Variants in ZNF571 observed in about 807,000 individuals in gnomAD.
ZNF571 encodes the protein zinc finger protein 571.
A neutral mutation model predicts 7.7 loss-of-function variants in ZNF571; 4 were observed. That is an observed-to-expected ratio of 0.52 (90% CI 0.25 to 1.18). The LOEUF (loss-of-function observed/expected upper bound fraction) is 1.18. Ranked by LOEUF, ZNF571 falls within the 50% of genes most tolerant of loss-of-function variation. The pLI, the probability that ZNF571 is intolerant of heterozygous loss-of-function variation, is 0.14. For missense variants in ZNF571, 704 were observed against 726.9 expected (o/e 0.97, Z 0.36); for synonymous variants, 251 against 232.4 (o/e 1.08, Z -0.73).
intron 1 of ZNF571, chr19:37,587,375 G>T (rs1397538940): frequency 1.3e-5 from 2 of 152,162 alleles, no homozygotes; most frequent in Non-Finnish European, 2.9e-5. Context: ...TTATTTCACA[G>T]GTTGAATAAC....
intron 3 of ZNF571, among the ~76,000 whole-genome samples, chr19:37,581,505 G>A (rs1453420018): frequency 3.5e-5 from 5 of 141,130 alleles, no homozygotes; most frequent in South Asian, 2.2e-4. Context: ...TTGCTCTGTC[G>A]CCCAGGCTGA....
chr19:37,583,082 T>C (rs987297154), intron 3 of ZNF571, among the ~76,000 whole-genome samples: 1 of 152,210 alleles, frequency 6.6e-6, no homozygotes, highest in African/African-American at 2.4e-5. Flanking sequence ...TCTTGCTGAT[T>C]CTCAAACAAG....
intron 3 of ZNF571, among the ~76,000 whole-genome samples, chr19:37,570,171 T>G (rs1198218186): frequency 2.0e-5 from 3 of 152,198 alleles, no homozygotes; most frequent in Non-Finnish European, 4.4e-5. Flanking sequence ...CTGGGTTATC[T>G]CAATTACCTT....
intron 3 of ZNF571, among the ~76,000 whole-genome samples, chr19:37,576,770 A>AC (rs1236218684): frequency 6.6e-6 from 1 of 152,150 alleles, no homozygotes; most frequent in African/African-American, 2.4e-5. Context: ...GGGAAGAAAT[A>AC]CCCCAATATG....
At chr19:37,567,187 T>C (rs577588299) in intron 3 of ZNF571, among the ~76,000 whole-genome samples, 3 of 152,348 alleles carry the variant, frequency 2.0e-5, no homozygotes, top group African/African-American at 7.2e-5. Context: ...GGATATACCA[T>C]TTCTAAAGTT....
rs756415238 is a variant in ZNF571 at position 37,583,974 on chromosome 19, A to T, written c.133T>A (p.Leu45Met). The change falls in exon 3 of 4, where the codon TTG becomes ATG. Residue 45 changes from leucine (L) to methionine (M), a missense_variant. Transcript: ENST00000451802. ...MLENYSNLIS[L>M]DLESSCVTKK... ...ATATTACGTAGGATGATCTTACCCAATGAGATCAGGTTGCTGTAGTTCTCC... is the reference window on the plus strand; with the variant it reads ...ATATTACGTAGGATGATCTTACCCATTGAGATCAGGTTGCTGTAGTTCTCC... The T allele has an allele frequency of 6.2e-7, 1 of 1,607,088 alleles. No individual in the cohort carries two copies. The highest frequency in any genetic ancestry group is 1.3e-5 in the African/African-American group (1 of 74,794).
intron 1 of ZNF571, among the ~76,000 whole-genome samples, chr19:37,589,487 TA>T (rs145902538): frequency 1.3e-5 from 2 of 150,290 alleles, no homozygotes; most frequent in African/African-American, 2.4e-5. Flanking sequence ...AGACAATTCA[TA>T]AAAAAAAAGT....
In ZNF571 at chr19:37,570,778, T is replaced by C. The variant is rs140246709; in HGVS notation, c.137-4487A>G. 2.7e-3 allele frequency among the ~76,000 whole-genome samples: 416 copies of C among 152,288 alleles called. 4 individuals are homozygous for C. Among genetic ancestry groups the C allele is most frequent in the African/African-American group, 9.1e-3 (380 of 41,548 alleles). On this transcript the variant is annotated intron_variant, in intron 3 of 3. Coordinates refer to ENST00000451802, the MANE Select transcript of ZNF571 (RefSeq NM_016536.5). ...ATTCAAATACTACCAAACTTCTGAATAGTCTCCTATAAATAGAAGGCATTA... is the reference window on the plus strand; with the variant it reads ...ATTCAAATACTACCAAACTTCTGAACAGTCTCCTATAAATAGAAGGCATTA...
At chr19:37,570,220 A>T (rs1397666833) in intron 3 of ZNF571, among the ~76,000 whole-genome samples, 1 of 151,900 alleles carries the variant, frequency 6.6e-6, no homozygotes, top group African/African-American at 2.4e-5. Context: ...CATCACTAGG[A>T]CTCTTATCCC....
Position 37,584,069 on chromosome 19 carries a change from A to G in ZNF571, c.38T>C (p.Ile13Thr), listed in dbSNP as rs2043573115. Residue 13 changes from isoleucine (I) to threonine (T), a missense_variant, in exon 3 of 4, where the codon ATT (isoleucine) becomes ACT (threonine). Coordinates refer to ENST00000451802, the MANE Select transcript of ZNF571 (RefSeq NM_016536.5). Reference protein sequence around the residue: ...HLLVTFRDVAIDFSQEEWECL... With the variant: ...HLLVTFRDVATDFSQEEWECL... ...TTCCCATTCCTCCTGAGAGAAGTCAATGGCCACATCCCTGAAAGTCACCAA... is the reference window on the plus strand; with the variant it reads ...TTCCCATTCCTCCTGAGAGAAGTCAGTGGCCACATCCCTGAAAGTCACCAA... 8.7e-6 allele frequency: 14 copies of G among 1,614,046 alleles called. No homozygotes were observed. The highest frequency in any genetic ancestry group is 1.2e-5 in the Non-Finnish European group (14 of 1,180,024).
Position 37,569,308 on chromosome 19 carries a change from G to C in ZNF571, c.137-3017C>G, listed in dbSNP as rs2042977706. On this transcript the variant is annotated intron_variant, in intron 3 of 3. Coordinates refer to ENST00000451802, the MANE Select transcript of ZNF571 (RefSeq NM_016536.5). This position sits in a 1 kb window ranked among gnomAD's most constrained non-coding sequence, Gnocchi z 4.4. ...ACTCAGTAATGTTATGAGACCCTTT[G>C]TTCTAATCTCCATCTGGCAGATAGA... 6.6e-6 allele frequency among the ~76,000 whole-genome samples: 1 copy of C among 152,062 alleles called. No homozygotes were observed. Among genetic ancestry groups the C allele is most frequent in the Non-Finnish European group, 1.5e-5 (1 of 68,018 alleles).
chr19:37,586,469 A>T, intron 2 of ZNF571, 199 bp downstream of exon 2: 1 of 621,490 alleles, frequency 1.6e-6, no homozygotes, highest in Non-Finnish European at 2.9e-6. Context: ...TGCTGAATGA[A>T]TATCTGAAAA....
At position 37,564,904 on chromosome 19, in the gene ZNF571, G is replaced by C; in HGVS notation, c.1524C>G (p.Asp508Glu). The change falls in exon 4 of 4, where the codon GAC (aspartate) becomes GAG (glutamate). Residue 508 changes from aspartate (D) to glutamate (E), a missense_variant. By Grantham distance (45) the Asp-to-Glu change is conservative. Transcript: ENST00000451802. The stretch of plus-strand genomic sequence containing the variant: ...GTTGTGAGCCATAAATAAAGGCCTT[G>C]TCACATTCCTTACATTTGTAGGGCT... Reference protein sequence around the residue: ...GEKPYKCKECDKAFIYGSQLS... With the variant: ...GEKPYKCKECEKAFIYGSQLS... 1 of 1,613,688 alleles carries C rather than the reference G, an allele frequency of 6.2e-7. No individual in the cohort carries two copies. The highest frequency in any genetic ancestry group is 1.7e-4 in the Middle Eastern group (1 of 6,056).
rs766438297 is a variant in ZNF571, at chr19:37,566,270, G to T, written c.158C>A (p.Thr53Asn). Residue 53 changes from threonine (T) to asparagine (N), a missense_variant, in exon 4 of 4, where the codon ACC (threonine) becomes AAC (asparagine). By Grantham distance (65) the Thr-to-Asn change is moderately conservative (BLOSUM62 0). Coordinates refer to ENST00000451802, the MANE Select transcript of ZNF571 (RefSeq NM_016536.5). ...TTCCTTTTCTGGAGATAACTTTTTG[G>T]TCACACAACTGGATTCCAAGTCTGT... is the stretch of plus-strand genomic sequence containing the variant. ...ISLDLESSCVTKKLSPEKEIY... is the reference protein window; with the variant it reads ...ISLDLESSCVNKKLSPEKEIY... The T allele has an allele frequency of 1.2e-6, 2 of 1,611,938 alleles. No homozygotes were observed. The highest frequency in any genetic ancestry group is 2.7e-5 in the African/African-American group (2 of 74,808).
chr19:37,573,347 C>T (rs937918105), intron 3 of ZNF571, among the ~76,000 whole-genome samples: 4 of 152,112 alleles, frequency 2.6e-5, no homozygotes, highest in Non-Finnish European at 5.9e-5. Flanking sequence ...CACACTCAAC[C>T]CCAACCCTGA....
Position 37,564,488 on chromosome 19 carries a change from T to A in ZNF571, c.*110A>T. On this transcript the variant is annotated 3_prime_UTR_variant, in exon 4 of 4. Transcript: ENST00000451802. The stretch of plus-strand genomic sequence containing the variant: ...AAATTATTCTGCATCCATGTTAATG[T>A]AGGCCTTCTAAGAATGAGCAGATTC... 1.0e-6 allele frequency: 1 copy of A among 968,530 alleles called. No individual in the cohort carries two copies. Among genetic ancestry groups the A allele is most frequent in the African/African-American group, 1.6e-5 (1 of 60,898 alleles). The allele number at this position is 968,530 out of a possible 1,614,324, so 60.0% of individuals were successfully genotyped here.
chr19:37,574,346 A>C (rs1335550616), intron 3 of ZNF571, among the ~76,000 whole-genome samples: 1 of 152,152 alleles, frequency 6.6e-6, no homozygotes, highest in South Asian at 2.1e-4. Flanking sequence ...CTGCTTTTCA[A>C]CTTTAACTCA....
At chr19:37,586,767 C>T (rs373421619) in intron 1 of ZNF571, 22 bp from the exon 2 acceptor site, 3 of 1,364,166 alleles carry the variant, frequency 2.2e-6, no homozygotes, top group African/African-American at 2.9e-5. Flanking sequence ...AAAGAAGCCA[C>T]AAGATTAGAC....
chr19:37,565,946 T>A lies in ZNF571; in HGVS notation c.482A>T (p.His161Leu), dbSNP rs368992991. The A allele has an allele frequency of 3.0e-5, 48 of 1,613,870 alleles. No homozygotes were observed. The South Asian group carries it at 5.3e-4, about 18-fold the overall frequency. Residue 161 changes from histidine to leucine, a missense_variant, in exon 4 of 4, where the codon CAT becomes CTT. By Grantham distance (99) the His-to-Leu change is moderately conservative (BLOSUM62 -3). Coordinates refer to ENST00000451802, the MANE Select transcript of ZNF571 (RefSeq NM_016536.5). Reference sequence around the variant, plus strand: ...AACTTCAGAGCATTTTTCTATATTATGATTTTCCTCATGTTGAATAAGGCA... The same window carrying A: ...AACTTCAGAGCATTTTTCTATATTAAGATTTTCCTCATGTTGAATAAGGCA... ...LSCLIQHEENHNIEKCSEVKK... is the reference protein window; with the variant it reads ...LSCLIQHEENLNIEKCSEVKK...
Sources: gnomAD v4.1 joint callset for allele counts (sites outside exome capture counted in the v4.1 genomes callset) on GRCh38, gnomAD v4.1.1 for gene constraint, Gnocchi (gnomAD v3.1) non-coding constraint, MANE v1.5 for transcripts, NCBI Gene and HGNC (gene_info 2026-07-23, HGNC 2026-07-21) for gene names.